SCNN1D: variants seen among roughly 807,000 people sequenced by gnomAD.
SCNN1D encodes the protein epithelial sodium channel subunit delta.
In SCNN1D, 104 loss-of-function variants were observed where a neutral mutation model predicts 87.8. The ratio of observed to expected loss-of-function variants is 1.18; its 90% confidence interval spans 1.01 to 1.39. The LOEUF is 1.39. Ranked by LOEUF, SCNN1D falls within the 40% of genes most tolerant of loss-of-function variation. SCNN1D has a pLI of 0.00. For missense variants in SCNN1D, 1,324 were observed against 1,093.9 expected (o/e 1.21, Z -2.97); for synonymous variants, 628 against 481.2 (o/e 1.31, Z -3.99).
chr1:1,282,461 C>G (rs1031695660), intron 4 of SCNN1D, 146 bp downstream of exon 4: 2 of 921,858 alleles, frequency 2.2e-6, no homozygotes, highest in South Asian at 3.5e-5. Context: ...GGGCCCGGCT[C>G]GGGTCTGGTC....
At chr1:1,288,312 CGTGTCCCT>C (rs1640671485) in intron 12 of SCNN1D, among the ~76,000 whole-genome samples, 1 of 80,624 alleles carries the variant, frequency 1.2e-5, no homozygotes, top group Non-Finnish European at 2.0e-5. Context: ...TGCTCCGTCC[CGTGTCCCT>C]GCTCCGTCCC....
At chr1:1,285,776 G>A (rs1236352138) in intron 6 of SCNN1D, 112 bp downstream of exon 6, 1 of 1,198,982 alleles carries the variant, frequency 8.3e-7, no homozygotes, top group East Asian at 2.6e-5. Flanking sequence ...CCGGGGAGAA[G>A]GGCGCAGTGT....
At position 1,287,256 on chromosome 1, in the gene SCNN1D, T is replaced by C; in HGVS notation, c.1267T>C (p.Phe423Leu). The change falls in exon 9 of 18, where the codon TTC (phenylalanine) becomes CTC (leucine). Residue 423 changes from phenylalanine to leucine, a missense_variant. Physicochemically the swap from Phe to Leu is conservative, Grantham distance 22. Transcript: ENST00000379116. ...CAGCCACGGGAGCCAGGACGGCCAC[T>C]TCGTCCTCTCCTGCAGTTACGATGG... ...EDSHGSQDGH[F>L]VLSCSYDGLD... The C allele has an allele frequency of 6.2e-7, 1 of 1,610,322 alleles. No homozygotes were observed. The highest frequency in any genetic ancestry group is 1.1e-5 in the South Asian group (1 of 90,794).
At position 1,284,691 on chromosome 1, in the gene SCNN1D, G is replaced by A. The variant is rs142457657; in HGVS notation, c.464+601G>A. 5.6e-3 allele frequency among the ~76,000 whole-genome samples: 850 copies of A among 152,154 alleles called. 32 individuals carry two copies. Among genetic ancestry groups the A allele is most frequent in the Non-Finnish European group, 8.8e-4 (60 of 67,960 alleles). On this transcript the variant is annotated intron_variant, in intron 5 of 17. Coordinates refer to ENST00000379116, the MANE Select transcript of SCNN1D (RefSeq NM_001130413.4). ...GCATAGCGTGTGCTGGACAGACCCC[G>A]GGAGAACACTGCAGATACTGCGTGT... is the stretch of plus-strand genomic sequence containing the variant.
Position 1,287,956 on chromosome 1 carries a change from C to A in SCNN1D, c.1581C>A (p.Leu527=), listed in dbSNP as rs546774700. The change falls in exon 12 of 18, where the codon CTC becomes CTA. Residue 527 remains leucine, a synonymous_variant. Coordinates refer to ENST00000379116, the MANE Select transcript of SCNN1D (RefSeq NM_001130413.4). ...ISIREDEVHR[L]GSPYGHCTAG... is the part of the protein sequence containing the mutation. ...CCTCCCAGGACGAGGTGCACCGGCT[C>A]GGGAGCCCCTACGGCCACTGCACCG... is the stretch of plus-strand genomic sequence containing the variant. The A allele has an allele frequency of 1.3e-6, 2 of 1,545,034 alleles. No homozygotes were observed. The highest frequency in any genetic ancestry group is 2.0e-5 in the Admixed American group (1 of 50,668).
intron 11 of SCNN1D, 23 bp downstream of exon 11, chr1:1,287,859 C>A: frequency 1.3e-6 from 2 of 1,521,154 alleles, no homozygotes; most frequent in South Asian, 1.2e-5. Context: ...CTGCAGCCAA[C>A]CTCCGGCCCA....
At chr1:1,281,673 G>T in intron 3 of SCNN1D, 63 bp downstream of exon 3, 2 of 1,438,178 alleles carry the variant, frequency 1.4e-6, no homozygotes, top group Non-Finnish European at 1.9e-6. Flanking sequence ...GGAGCCGGGA[G>T]CTGCGTGATC....
At chr1:1,284,881 G>A (rs1640555898) in intron 5 of SCNN1D, among the ~76,000 whole-genome samples, 1 of 152,110 alleles carries the variant, frequency 6.6e-6, no homozygotes, top group Non-Finnish European at 1.5e-5. Flanking sequence ...AAGCCCTGGG[G>A]ACCCTGACTG....
chr1:1,290,556 G>C lies in SCNN1D; in HGVS notation c.1859+1G>C. On this transcript the variant is annotated splice_donor_variant, in intron 14 of 17. Transcript: ENST00000379116. LOFTEE classifies it high-confidence loss of function. ...CCTCCCGCTGCCCCAGGCCCTGCAG[G>C]TGAGACGGGGGTGTTGGGGTCGCGG... 6.2e-7 allele frequency: 1 copy of C among 1,612,630 alleles called. No homozygotes were observed. Among genetic ancestry groups the C allele is most frequent in the Non-Finnish European group, 8.5e-7 (1 of 1,179,892 alleles).
chr1:1,290,889 C>G lies in SCNN1D; in HGVS notation c.1918-6C>G, dbSNP rs1409141865. On this transcript the variant is annotated splice_region_variant and splice_polypyrimidine_tract_variant and intron_variant, in intron 15 of 17. Coordinates refer to ENST00000379116, the MANE Select transcript of SCNN1D (RefSeq NM_001130413.4). The stretch of plus-strand genomic sequence containing the variant: ...GCCGTGGCCACAGCAAACCTTCCGT[C>G]TGCAGGGATGGACTCTGGCCACGCT... 6.2e-7 allele frequency: 1 copy of G among 1,610,036 alleles called. No homozygotes were observed. Among genetic ancestry groups the G allele is most frequent in the Admixed American group, 1.7e-5 (1 of 59,742 alleles).
Position 1,291,707 on chromosome 1 carries a change from C to A in SCNN1D, c.*97C>A. 1 of 922,070 alleles carries A rather than the reference C, an allele frequency of 1.1e-6. No homozygotes were observed. Among genetic ancestry groups the A allele is most frequent in the Non-Finnish European group, 1.6e-6 (1 of 639,516 alleles). 57.1% of individuals were successfully genotyped at this position (922,070 alleles called of 1,614,324 possible). ...GGCCCAGGGTGGGCCAGACCAGCAG[C>A]CCAGGAAGCAGCACACGCGGCCGTG... is the stretch of plus-strand genomic sequence containing the variant. On this transcript the variant is annotated 3_prime_UTR_variant, in exon 18 of 18. Transcript: ENST00000379116.
rs1055052432 is a variant in SCNN1D at position 1,285,286 on chromosome 1, G to A, written c.465-285G>A. Among the ~76,000 whole-genome samples the A allele has an allele frequency of 3.3e-5, 5 of 152,358 alleles. No individual in the cohort carries two copies. The East Asian group carries it at 7.7e-4, about 23-fold the overall frequency. ...GTCCCAGGACTCCAGAGCCTCCAGC[G>A]CGGGACTGGGCAGGCAGTGGCTGGG... On this transcript the variant is annotated intron_variant, in intron 5 of 17. Transcript: ENST00000379116.
Position 1,287,139 on chromosome 1 carries a change from C to T in SCNN1D, c.1150C>T (p.Arg384Ter), listed in dbSNP as rs148588796. The stretch of plus-strand genomic sequence containing the variant: ...CAGCACGGGCGGCGACTGCTTTTAC[C>T]GAGGCTACACGTCAGGCGTGGCGGC... ...CNSTGGDCFYRGYTSGVAAVQ... is the reference protein window; with the variant it reads ...CNSTGGDCFY The change falls in exon 9 of 18, where the codon CGA becomes TGA. Residue 384 changes from arginine (R) to a stop codon, truncating the protein, a stop_gained. Transcript: ENST00000379116. LOFTEE classifies it high-confidence loss of function. The T allele has an allele frequency of 2.3e-4, 370 of 1,601,198 alleles. 1 individual carries two copies. The African/African-American group carries it at 3.6e-3, about 16-fold the overall frequency.
intron 12 of SCNN1D, 35 bp from the exon 13 acceptor site, chr1:1,290,236 C>T (rs1557586591): frequency 5.4e-6 from 8 of 1,477,018 alleles, no homozygotes; most frequent in Non-Finnish European, 7.3e-6. Flanking sequence ...GTCTCCGCTC[C>T]ATCCCATGTC....
At position 1,287,707 on chromosome 1, in the gene SCNN1D, T is replaced by G. The variant is rs1167233676; in HGVS notation, c.1434T>G (p.Pro478=). The stretch of plus-strand genomic sequence containing the variant: ...TGGTCCTCAGGGTTGAGCAGCAGCC[T>G]CACCTCCCTCTGCTGTCCACGCTGG... ...VGLVLRVEQQ[P]HLPLLSTLAG... is the part of the protein sequence containing the mutation. Residue 478 remains proline (P), a synonymous_variant, in exon 11 of 18, where the codon CCT becomes CCG. Coordinates refer to ENST00000379116, the MANE Select transcript of SCNN1D (RefSeq NM_001130413.4). 1 of 1,610,566 alleles carries G rather than the reference T, an allele frequency of 6.2e-7. No individual in the cohort carries two copies. Among genetic ancestry groups the G allele is most frequent in the East Asian group, 2.2e-5 (1 of 44,768 alleles).
At chr1:1,288,574 T>A (rs1409621391) in intron 12 of SCNN1D, among the ~76,000 whole-genome samples, 5 of 59,618 alleles carry the variant, frequency 8.4e-5, no homozygotes, top group Non-Finnish European at 1.3e-4. Context: ...CCGTCCCCCG[T>A]GTCTCTGCTC....
rs374643387 is a variant in SCNN1D, at chr1:1,286,113, C to T, written c.746C>T (p.Thr249Met). 2.9e-5 allele frequency: 47 copies of T among 1,610,662 alleles called. No individual in the cohort carries two copies. The African/African-American group carries it at 4.5e-4, about 16-fold the overall frequency. The change falls in exon 7 of 18, where the codon ACG (threonine) becomes ATG (methionine). Residue 249 changes from threonine (T) to methionine (M), a missense_variant. Thr to Met is a moderately conservative substitution (Grantham distance 81). Coordinates refer to ENST00000379116, the MANE Select transcript of SCNN1D (RefSeq NM_001130413.4). Reference sequence around the variant, plus strand: ...TGCTCCCGCGGGAACCGCCTCAAGACGACGTCCTGGGGGCTGCTGTCCCTG... The same window carrying T: ...TGCTCCCGCGGGAACCGCCTCAAGATGACGTCCTGGGGGCTGCTGTCCCTG... The part of the protein sequence containing the change: ...LVCSRGNRLK[T>M]TSWGLLSLGA...
chr1:1,290,085 CT>C (rs1251287740), intron 12 of SCNN1D, among the ~76,000 whole-genome samples, 185 bp from the exon 13 acceptor site: 41 of 142,146 alleles, frequency 2.9e-4, no homozygotes, highest in Middle Eastern at 7.2e-3. Flanking sequence ...CGTGTCTCTG[CT>C]CCGTCCCGTG....
chr1:1,282,815 C>T (rs947765722), intron 4 of SCNN1D, among the ~76,000 whole-genome samples: 10 of 151,320 alleles, frequency 6.6e-5, no homozygotes, highest in East Asian at 3.9e-4. Flanking sequence ...TGCAGTGGCA[C>T]GATCTCGGCT....
Sources: allele counts gnomAD v4.1 joint callset (sites outside exome capture counted in the v4.1 genomes callset), GRCh38; gene constraint gnomAD v4.1.1; transcripts MANE v1.5; gene names NCBI Gene and HGNC (gene_info 2026-07-23, HGNC 2026-07-21).